PCDH19: variants seen among roughly 807,000 people sequenced by gnomAD.
PCDH19 encodes the protein protocadherin 19, also known as protocadherin-19.
PCDH19 carries 6 observed loss-of-function variants against 46.2 expected under a neutral mutation model. The observed-to-expected ratio is 0.13, with a 90% CI of 0.07 to 0.26. The LOEUF (loss-of-function observed/expected upper bound fraction) is 0.26, where lower values mean the gene tolerates loss of function less well. Among genes scored for constraint, PCDH19 ranks in the 10% least tolerant of loss-of-function variants. The pLI, the probability that PCDH19 is intolerant of heterozygous loss-of-function variation, is 1.00. For missense variants in PCDH19, 740 were observed against 972.3 expected, an observed-to-expected ratio of 0.76 and a Z score of 3.18; for synonymous variants, 481 against 415.7, an observed-to-expected ratio of 1.16 and a Z score of -1.91.
At chrX:100,363,935 GA>G (rs1278765462) in intron 3 of PCDH19, among the ~76,000 whole-genome samples, 1 of 105,429 alleles carries the variant, frequency 9.5e-6, no homozygotes, top group Non-Finnish European at 1.9e-5. Flanking sequence ...TCAGCTTAAA[GA>G]GAGTTGAAAT....
chrX:100,321,938 C>T (rs1262274326), intron 5 of PCDH19, among the ~76,000 whole-genome samples: 32 of 107,833 alleles, frequency 3.0e-4, no homozygotes, highest in African/African-American at 1.0e-3. Flanking sequence ...TACAGGCGCC[C>T]GCCACCACAC....
intron 3 of PCDH19, among the ~76,000 whole-genome samples, chrX:100,352,145 C>A (rs1362322705): frequency 8.9e-6 from 1 of 112,189 alleles, no homozygotes; most frequent in African/African-American, 3.2e-5. Context: ...TAAACTCAAG[C>A]AATTTTTAAT....
At chrX:100,335,619 T>A (rs1211679742) in intron 5 of PCDH19, among the ~76,000 whole-genome samples, 2 of 112,070 alleles carry the variant, frequency 1.8e-5, no homozygotes, top group African/African-American at 6.5e-5. Context: ...TATAATTTTT[T>A]AAAATAGAAT....
intron 3 of PCDH19, among the ~76,000 whole-genome samples, chrX:100,354,351 A>G (rs1926653048): frequency 8.9e-6 from 1 of 112,280 alleles, no homozygotes. Context: ...CATGAGAATC[A>G]TCTCAGAATC....
intron 3 of PCDH19, among the ~76,000 whole-genome samples, chrX:100,382,631 A>G (rs184499529): frequency 2.6e-4 from 29 of 112,372 alleles, no homozygotes; most frequent in African/African-American, 9.4e-4. Flanking sequence ...CCAGTGGTCC[A>G]TGAAATTGCC....
intron 3 of PCDH19, among the ~76,000 whole-genome samples, chrX:100,398,797 G>A: frequency 8.9e-6 from 1 of 112,001 alleles, no homozygotes; most frequent in Non-Finnish European, 1.9e-5. Flanking sequence ...GCACGCAACA[G>A]GTCTGAGTGG....
At chrX:100,331,491 G>C (rs914586419) in intron 5 of PCDH19, among the ~76,000 whole-genome samples, 13 of 111,789 alleles carry the variant, frequency 1.2e-4, no homozygotes, top group Non-Finnish European at 2.4e-4. Flanking sequence ...CAACTTTTCT[G>C]ATGTTCCTAA....
chrX:100,302,768 C>T (rs959178828), intron 5 of PCDH19, among the ~76,000 whole-genome samples: 1 of 111,719 alleles, frequency 9.0e-6, no homozygotes, highest in African/African-American at 3.3e-5. Flanking sequence ...ATATTTTCTG[C>T]TACCTTTTAA....
intron 3 of PCDH19, among the ~76,000 whole-genome samples, chrX:100,402,121 A>G (rs974151961): frequency 8.9e-6 from 1 of 112,097 alleles, no homozygotes; most frequent in African/African-American, 3.2e-5. Flanking sequence ...CTCACACTGG[A>G]AAATTGGTCC....
intron 3 of PCDH19, among the ~76,000 whole-genome samples, chrX:100,381,416 G>A (rs1041529424): frequency 5.4e-5 from 6 of 111,867 alleles, no homozygotes; most frequent in Admixed American, 2.9e-4. Context: ...TCTTGTAGCC[G>A]TTGAAGATAG....
chrX:100,362,389 C>T (rs1179698072), intron 3 of PCDH19, among the ~76,000 whole-genome samples: 2 of 110,632 alleles, frequency 1.8e-5, no homozygotes, highest in Non-Finnish European at 1.9e-5. Context: ...GTGTGTGTGT[C>T]TATATATACG....
At chrX:100,310,971 C>T (rs1925112989) in intron 5 of PCDH19, among the ~76,000 whole-genome samples, 1 of 108,273 alleles carries the variant, frequency 9.2e-6, no homozygotes, top group South Asian at 4.2e-4. Context: ...CTGGCTCGGT[C>T]TTCCAAGTAG....
rs1489789460 is a variant in PCDH19, at chrX:100,333,183, G to GAGAGAGAGAGAA, written c.2848+8719_2848+8720insTTCTCTCTCTCT. ...GAAGGAAGGAAGGAAGGGAGAGAGA[G>GAGAGAGAGAGAA]AGAAAGAAAGAAAGAAAGAAAGAAA... is the stretch of plus-strand genomic sequence containing the variant. On this transcript the variant is annotated intron_variant, in intron 5 of 5. Coordinates refer to ENST00000373034, the MANE Select transcript of PCDH19 (RefSeq NM_001184880.2). Among the ~76,000 whole-genome samples the GAGAGAGAGAGAA allele has an allele frequency of 3.9e-4, 17 of 43,461 alleles. 1 individual carries two copies. The highest frequency in any genetic ancestry group is 4.7e-4 in the African/African-American group (6 of 12,766). The allele number at this position is 43,461 out of a possible 115,157, so 37.7% of individuals were successfully genotyped here. A position where few individuals can be genotyped will look rare whatever the true frequency, so the allele number is the denominator to read the frequency against.
rs1928390001 is a variant in PCDH19, at chrX:100,407,198, G to A, written c.1400C>T (p.Thr467Met). The A allele has an allele frequency of 1.7e-6, 2 of 1,210,132 alleles. No individual in the cohort carries two copies. Among genetic ancestry groups the A allele is most frequent in the Non-Finnish European group, 2.2e-6 (2 of 895,234 alleles). The change falls in exon 1 of 6, where the codon ACG becomes ATG. Residue 467 changes from threonine (T) to methionine (M), a missense_variant. Transcript: ENST00000373034. ...YYQVIVQENN[T>M]PGAYLLSVSA... Reference sequence around the variant, plus strand: ...CACAGAGAGCAGATAGGCGCCAGGCGTGTTGTTCTCCTGCACAATGACCTG... The same window carrying A: ...CACAGAGAGCAGATAGGCGCCAGGCATGTTGTTCTCCTGCACAATGACCTG...
chrX:100,359,063 C>T (rs1376814486), intron 3 of PCDH19, among the ~76,000 whole-genome samples: 1 of 111,798 alleles, frequency 8.9e-6, no homozygotes, highest in Non-Finnish European at 1.9e-5. Flanking sequence ...GTTATTTCCC[C>T]TTTAAAGAGC....
Position 100,371,457 on chromosome X carries a change from A to T in PCDH19, c.2617-20753T>A, listed in dbSNP as rs147606403. 9.9e-4 allele frequency among the ~76,000 whole-genome samples: 110 copies of T among 111,514 alleles called. 3 individuals are homozygous for T. In the East Asian group the frequency reaches 0.029, roughly 29 times the overall value. On this transcript the variant is annotated intron_variant, in intron 3 of 5. Transcript: ENST00000373034. ...AAATGTGTATTCTATACCTGGTAGG[A>T]TATAAAGGTAGGTAGAGTAGGCATT...
chrX:100,322,865 A>ATATT, intron 5 of PCDH19, among the ~76,000 whole-genome samples: 12 of 54,416 alleles, frequency 2.2e-4, no homozygotes, highest in African/African-American at 5.9e-4. Context: ...ATATATATAT[A>ATATT]TTTTTGCAGC....
Position 100,322,865 on chromosome X carries a change from A to ATATATATATTTTT in PCDH19, c.2848+19037_2848+19038insAAAAATATATATA. ...TATATATATATATATATATATATATATTTTTGCAGCTATTGTAAAAGGGGT... is the reference window on the plus strand; with the variant it reads ...TATATATATATATATATATATATATATATATATATTTTTTTTTTGCAGCTATTGTAAAAGGGGT... On this transcript the variant is annotated intron_variant, in intron 5 of 5. Transcript: ENST00000373034. Among the ~76,000 whole-genome samples, 15 of 54,412 alleles carry ATATATATATTTTT rather than the reference A, an allele frequency of 2.8e-4. 1 individual carries two copies. Among genetic ancestry groups the ATATATATATTTTT allele is most frequent in the Non-Finnish European group, 4.6e-4 (14 of 30,199 alleles). 47.3% of individuals were successfully genotyped at this position (54,412 alleles called of 115,157 possible). A position where few individuals can be genotyped will look rare whatever the true frequency, so the allele number is the denominator to read the frequency against.
At chrX:100,306,417 G>A (rs762096307) in intron 5 of PCDH19, among the ~76,000 whole-genome samples, 2 of 111,431 alleles carry the variant, frequency 1.8e-5, no homozygotes, top group South Asian at 7.6e-4. Flanking sequence ...CAAAAGCGGT[G>A]CTAAGAGGAA....
Sources: allele counts gnomAD v4.1 joint callset (sites outside exome capture counted in the v4.1 genomes callset), GRCh38; gene constraint gnomAD v4.1.1; transcripts MANE v1.5; gene names NCBI Gene and HGNC (gene_info 2026-07-23, HGNC 2026-07-21).